FHIT: variants seen among roughly 807,000 people sequenced by gnomAD.
The protein encoded by FHIT is bis(5'-adenosyl)-triphosphatase.
In FHIT, 19 loss-of-function variants were observed where a neutral mutation model predicts 17.9. That is an observed-to-expected ratio of 1.06 (90% confidence interval 0.74 to 1.56). The LOEUF (loss-of-function observed/expected upper bound fraction) is 1.56, where lower values mean the gene tolerates loss of function less well. Among genes scored for constraint, FHIT ranks in the 40% most tolerant of loss-of-function variants. The probability of loss-of-function intolerance (pLI) is 0.00; values close to 1 mark genes in which losing one functional copy is unlikely to be tolerated. For synonymous variants in FHIT, 81 were observed against 69.7 expected (o/e 1.16, Z -0.81); for missense variants, 248 against 189.2 (o/e 1.31, Z -1.82).
intron 4 of FHIT, among the ~76,000 whole-genome samples, chr3:60,584,475 A>G (rs1553660991): frequency 6.6e-6 from 1 of 152,014 alleles, no homozygotes; most frequent in Non-Finnish European, 1.5e-5. Context: ...CCCAAGTAAT[A>G]AACAAATGTA....
intron 2 of FHIT, among the ~76,000 whole-genome samples, chr3:61,123,547 TGTATTAA>T (rs2036522987): frequency 7.2e-6 from 1 of 139,496 alleles, no homozygotes; most frequent in Non-Finnish European, 1.6e-5. Context: ...TTTCAAAAAT[TGTATTAA>T]GTGATAAGAT....
chr3:60,783,812 C>T (rs953265677), intron 4 of FHIT, among the ~76,000 whole-genome samples: 5 of 152,188 alleles, frequency 3.3e-5, no homozygotes, highest in African/African-American at 1.2e-4. Context: ...GGGGAGCACA[C>T]AGGCTCTGGG....
chr3:61,072,500 A>C (rs2034837247), intron 2 of FHIT, among the ~76,000 whole-genome samples: 1 of 152,186 alleles, frequency 6.6e-6, no homozygotes, highest in Non-Finnish European at 1.5e-5. Context: ...ATGAGTATTC[A>C]TTGCCGTTTC....
At chr3:60,960,707 T>C (rs745808435) in intron 3 of FHIT, among the ~76,000 whole-genome samples, 2 of 152,214 alleles carry the variant, frequency 1.3e-5, no homozygotes, top group Non-Finnish European at 1.5e-5. Flanking sequence ...GTCCTTGCAA[T>C]AGTTTGCTCA....
rs1348290865 is a variant in FHIT at position 59,763,515 on chromosome 3, C to A, written c.349-11194G>T. Among the ~76,000 whole-genome samples, 3 of 152,230 alleles carry A rather than the reference C, an allele frequency of 2.0e-5. No individual in the cohort carries two copies. In the East Asian group the frequency reaches 5.8e-4, roughly 29 times the overall value. ...TTAAAGCTTGTTTCTCTGCAGAATTCATTCAATTATTCAACAAATATGAAC... is the reference window on the plus strand; with the variant it reads ...TTAAAGCTTGTTTCTCTGCAGAATTAATTCAATTATTCAACAAATATGAAC... On this transcript the variant is annotated intron_variant, in intron 8 of 9. Transcript: ENST00000492590.
At chr3:60,153,696 C>G (rs2107339702) in intron 5 of FHIT, among the ~76,000 whole-genome samples, 1 of 152,252 alleles carries the variant, frequency 6.6e-6, no homozygotes, top group East Asian at 1.9e-4. Flanking sequence ...AGGACACAGG[C>G]TGATTTTAGG....
At position 60,366,884 on chromosome 3, in the gene FHIT, C is replaced by T. The variant is rs543386584; in HGVS notation, c.103+169976G>A. On this transcript the variant is annotated intron_variant, in intron 5 of 9. Coordinates refer to ENST00000492590, the MANE Select transcript of FHIT (RefSeq NM_002012.4). Reference sequence around the variant, plus strand: ...TAAGGGACTAGCTGAGGCTCTGATTCCTAATCCCATGTCCTTCCCATTAAA... The same window carrying T: ...TAAGGGACTAGCTGAGGCTCTGATTTCTAATCCCATGTCCTTCCCATTAAA... Among the ~76,000 whole-genome samples the T allele has an allele frequency of 3.3e-5, 5 of 152,328 alleles. No individual in the cohort carries two copies. In the South Asian group the frequency reaches 6.2e-4, roughly 19 times the overall value.
intron 5 of FHIT, among the ~76,000 whole-genome samples, chr3:60,182,009 T>A (rs918822397): frequency 1.3e-5 from 2 of 152,200 alleles, no homozygotes; most frequent in Admixed American, 6.5e-5. Context: ...GGACTTTTAA[T>A]TATATGCTAA....
chr3:60,925,969 A>T (rs1345748939), intron 3 of FHIT, among the ~76,000 whole-genome samples: 1 of 152,364 alleles, frequency 6.6e-6, no homozygotes, highest in East Asian at 1.9e-4. Flanking sequence ...AGGCCATTAC[A>T]TAATGGTAAA....
At chr3:60,666,792 C>A (rs181499205) in intron 4 of FHIT, among the ~76,000 whole-genome samples, 1 of 152,220 alleles carries the variant, frequency 6.6e-6, no homozygotes, top group Admixed American at 6.5e-5. Flanking sequence ...CCTGCCTCAG[C>A]CTCCTGAGTA....
intron 4 of FHIT, among the ~76,000 whole-genome samples, chr3:60,781,745 G>T (rs1575517105): frequency 6.6e-6 from 1 of 152,086 alleles, no homozygotes; most frequent in African/African-American, 2.4e-5. Context: ...ATAACAAGAA[G>T]TACCACTTGG....
rs1393872563 is a variant in FHIT at position 60,708,538 on chromosome 3, G to A, written c.-18+113381C>T. On this transcript the variant is annotated intron_variant, in intron 4 of 9. Transcript: ENST00000492590. ...AATCTGATTTATTGAACTGAAAAAGGCGAATGTAGTGAAACCCTATCCTGT... is the reference window on the plus strand; with the variant it reads ...AATCTGATTTATTGAACTGAAAAAGACGAATGTAGTGAAACCCTATCCTGT... Among the ~76,000 whole-genome samples, 4 of 152,100 alleles carry A rather than the reference G, an allele frequency of 2.6e-5. No homozygotes were observed. In the East Asian group the frequency reaches 7.7e-4, roughly 29 times the overall value.
rs187239154 is a variant in FHIT at position 60,041,733 on chromosome 3, T to G, written c.104-27581A>C. Among the ~76,000 whole-genome samples, 127 of 152,348 alleles carry G rather than the reference T, an allele frequency of 8.3e-4. 1 individual carries two copies. The highest frequency in any genetic ancestry group is 2.9e-3 in the African/African-American group (122 of 41,580). On this transcript the variant is annotated intron_variant, in intron 5 of 9. Coordinates refer to ENST00000492590, the MANE Select transcript of FHIT (RefSeq NM_002012.4). The stretch of plus-strand genomic sequence containing the variant: ...CCCACAAAAGAAACTTGGATTTCTG[T>G]TGTTTTCTGTCATACCTTCATACAT...
At chr3:60,020,489 G>A (rs915519744) in intron 5 of FHIT, among the ~76,000 whole-genome samples, 1 of 152,214 alleles carries the variant, frequency 6.6e-6, no homozygotes, top group African/African-American at 2.4e-5. Flanking sequence ...TGATTAGGCT[G>A]ATTAGCCTGT....
chr3:61,171,741 T>C (rs2038010641), intron 2 of FHIT, among the ~76,000 whole-genome samples: 1 of 152,226 alleles, frequency 6.6e-6, no homozygotes, highest in Non-Finnish European at 1.5e-5. Flanking sequence ...ACTCAAAGTG[T>C]GGTGGCCCAA....
intron 4 of FHIT, among the ~76,000 whole-genome samples, chr3:60,710,580 T>G (rs62249266): frequency 0.062 from 9,408 of 152,246 alleles, 456 homozygotes; most frequent in African/African-American, 0.13. Flanking sequence ...AATACCACGC[T>G]TTTCCGATGG....
At chr3:59,890,987 G>A (rs1703831307) in intron 8 of FHIT, among the ~76,000 whole-genome samples, 2 of 152,136 alleles carry the variant, frequency 1.3e-5, no homozygotes, top group Admixed American at 6.5e-5. Flanking sequence ...ACTGCATTAG[G>A]TGGCTGCTAT....
At chr3:59,754,529 CAAAG>C (rs1435865436) in intron 8 of FHIT, among the ~76,000 whole-genome samples, 2 of 152,126 alleles carry the variant, frequency 1.3e-5, no homozygotes, top group Non-Finnish European at 2.9e-5. Flanking sequence ...AATAGGATGA[CAAAG>C]AGATATGCAA....
chr3:60,170,517 T>A (rs929910167), intron 5 of FHIT, among the ~76,000 whole-genome samples: 3 of 152,154 alleles, frequency 2.0e-5, no homozygotes, highest in Admixed American at 1.3e-4. Context: ...AAATGGACCA[T>A]GTTTTGCTCA....
Sources: gnomAD v4.1 joint callset for allele counts (sites outside exome capture counted in the v4.1 genomes callset) on GRCh38, gnomAD v4.1.1 for gene constraint, MANE v1.5 for transcripts, NCBI Gene and HGNC (gene_info 2026-07-23, HGNC 2026-07-21) for gene names.